The following CDH13 variants were observed in gnomAD, a reference collection of about 807,000 sequenced individuals.
CDH13 encodes the protein cadherin 13, also known as cadherin-13.
Under a neutral mutation model 63.8 loss-of-function variants are expected in CDH13, and 24 were observed. The observed-to-expected ratio is 0.38, with a 90% confidence interval of 0.27 to 0.53. The LOEUF is 0.53. Among genes scored for constraint, CDH13 ranks in the 20% least tolerant of loss-of-function variants. CDH13 has a pLI of 0.85. For missense variants in CDH13, 1,049 were observed against 903.1 expected (o/e 1.16, Z -2.07); for synonymous variants, 503 against 355.3 (o/e 1.42, Z -4.67).
At chr16:83,732,683 A>T (rs1321180539) in intron 10 of CDH13, among the ~76,000 whole-genome samples, 1 of 152,164 alleles carries the variant, frequency 6.6e-6, no homozygotes, top group Non-Finnish European at 1.5e-5. Context: ...CCTCATACAG[A>T]GGGAGGCTTG....
intron 5 of CDH13, among the ~76,000 whole-genome samples, chr16:83,285,453 G>T (rs1195638513): frequency 6.6e-6 from 1 of 152,006 alleles, no homozygotes; most frequent in Non-Finnish European, 1.5e-5. Context: ...GGGTTTCACT[G>T]AGTACAGGTG....
rs192993252 is a variant in CDH13, at chr16:83,568,302, A to T, written c.961-34152A>T. Among the ~76,000 whole-genome samples the T allele has an allele frequency of 6.0e-3, 907 of 152,356 alleles. 4 individuals are homozygous for T. The highest frequency in any genetic ancestry group is 8.2e-3 in the Non-Finnish European group (556 of 68,038). ...AAATATTAATTTCTTATAAAGATGA[A>T]CTGGAGAGTGGTAACTAGAAAATTC... On this transcript the variant is annotated intron_variant, in intron 7 of 13. Coordinates refer to ENST00000567109, the MANE Select transcript of CDH13 (RefSeq NM_001257.5).
intron 7 of CDH13, among the ~76,000 whole-genome samples, chr16:83,590,301 T>G (rs1018701026): frequency 7.2e-5 from 11 of 152,060 alleles, no homozygotes; most frequent in Non-Finnish European, 1.6e-4. Flanking sequence ...CTTGACATCA[T>G]GTGCACACAG....
intron 8 of CDH13, among the ~76,000 whole-genome samples, chr16:83,612,201 A>G (rs1908921049): frequency 6.6e-6 from 1 of 152,112 alleles, no homozygotes; most frequent in South Asian, 2.1e-4. Flanking sequence ...TTAGATGTAT[A>G]CAAATTTAAA....
intron 2 of CDH13, among the ~76,000 whole-genome samples, chr16:82,996,648 G>C (rs1004557450): frequency 6.6e-6 from 1 of 152,040 alleles, no homozygotes; most frequent in Non-Finnish European, 1.5e-5. Context: ...ATAAAAATGA[G>C]GTAACTGCAA....
chr16:83,186,696 G>C (rs990390060), intron 4 of CDH13, among the ~76,000 whole-genome samples: 1 of 152,082 alleles, frequency 6.6e-6, no homozygotes, highest in Non-Finnish European at 1.5e-5. Context: ...ATTTCTCAGG[G>C]CTAATGTTGA....
At chr16:82,657,491 A>T (rs771072012) in intron 1 of CDH13, among the ~76,000 whole-genome samples, 5 of 152,208 alleles carry the variant, frequency 3.3e-5, no homozygotes, top group Admixed American at 6.5e-5. Flanking sequence ...TTCATCATGC[A>T]ACTCAGAACA....
intron 1 of CDH13, among the ~76,000 whole-genome samples, chr16:82,693,326 A>G (rs561727385): frequency 6.6e-6 from 1 of 152,300 alleles, no homozygotes; most frequent in African/African-American, 2.4e-5. Context: ...ACTAACACAT[A>G]CATGAAAGTC....
At chr16:83,586,005 A>G (rs540662150) in intron 7 of CDH13, among the ~76,000 whole-genome samples, 1 of 152,322 alleles carries the variant, frequency 6.6e-6, no homozygotes, top group African/African-American at 2.4e-5. Flanking sequence ...GAACACAGCA[A>G]CCACAGCAAC....
At chr16:83,179,873 C>A in intron 4 of CDH13, among the ~76,000 whole-genome samples, 1 of 150,896 alleles carries the variant, frequency 6.6e-6, no homozygotes, top group Non-Finnish European at 1.5e-5. Flanking sequence ...ACATATATTC[C>A]TATCAAAATA....
At chr16:83,787,905 T>C (rs1192411272) in intron 13 of CDH13, among the ~76,000 whole-genome samples, 2 of 152,174 alleles carry the variant, frequency 1.3e-5, no homozygotes, top group Admixed American at 1.3e-4. Flanking sequence ...ATCACACCAC[T>C]GCACTCCAGC....
intron 1 of CDH13, among the ~76,000 whole-genome samples, chr16:82,674,164 C>T (rs1443492794): frequency 6.6e-6 from 1 of 152,122 alleles, no homozygotes; most frequent in Non-Finnish European, 1.5e-5. Flanking sequence ...AGCAGAAAAT[C>T]ACACCTCATT....
chr16:83,412,376 C>T (rs190832530), intron 6 of CDH13, among the ~76,000 whole-genome samples: 78 of 152,210 alleles, frequency 5.1e-4, no homozygotes, highest in Admixed American at 8.5e-4. Flanking sequence ...GCAGGAGAAT[C>T]GCTTGAACCT....
intron 6 of CDH13, among the ~76,000 whole-genome samples, chr16:83,376,731 C>A (rs1597866141): frequency 6.6e-6 from 1 of 152,090 alleles, no homozygotes. Flanking sequence ...TGATACATTA[C>A]AAAGGGCCAG....
intron 7 of CDH13, among the ~76,000 whole-genome samples, chr16:83,498,099 A>G (rs1308945481): frequency 6.6e-6 from 1 of 152,212 alleles, no homozygotes; most frequent in Non-Finnish European, 1.5e-5. Context: ...TGCCATCTAG[A>G]CATTGACTAA....
intron 6 of CDH13, among the ~76,000 whole-genome samples, chr16:83,473,964 A>G (rs912209644): frequency 3.3e-5 from 5 of 152,130 alleles, no homozygotes; most frequent in Admixed American, 6.5e-5. Context: ...ACGAACCCTC[A>G]TAAAGGTTAG....
intron 3 of CDH13, among the ~76,000 whole-genome samples, chr16:83,093,419 A>T (rs1186984855): frequency 7.2e-6 from 1 of 139,768 alleles, no homozygotes; most frequent in African/African-American, 2.7e-5. Context: ...CCCGGGTTCA[A>T]GCGATTCTCC....
chr16:82,792,487 CTGG>C (rs1482731335), intron 1 of CDH13, among the ~76,000 whole-genome samples: 2 of 152,138 alleles, frequency 1.3e-5, no homozygotes, highest in Non-Finnish European at 2.9e-5. Context: ...CAGTACAATT[CTGG>C]GGGTTCTGGA....
At chr16:83,244,813 T>A (rs545082774) in intron 5 of CDH13, among the ~76,000 whole-genome samples, 1 of 152,120 alleles carries the variant, frequency 6.6e-6, no homozygotes, top group East Asian at 1.9e-4. Flanking sequence ...GAGTATAAAA[T>A]GCTGTCTAAT....
Sources: gnomAD v4.1 joint callset for allele counts (sites outside exome capture counted in the v4.1 genomes callset) on GRCh38, gnomAD v4.1.1 for gene constraint, MANE v1.5 for transcripts, NCBI Gene and HGNC (gene_info 2026-07-23, HGNC 2026-07-21) for gene names.